APC: variants seen among roughly 807,000 people sequenced by gnomAD.
The protein encoded by APC is adenomatous polyposis coli protein.
APC carries 72 observed loss-of-function variants against 247.0 expected under a neutral mutation model. The observed-to-expected ratio is 0.29, with a 90% confidence interval of 0.24 to 0.35. APC has a LOEUF of 0.35. Among genes scored for constraint, APC ranks in the 10% least tolerant of loss-of-function variants. APC has a pLI of 1.00. For missense variants in APC, 3,400 were observed against 3,360.7 expected, an observed-to-expected ratio of 1.01 and a Z score of -0.29; for synonymous variants, 1,254 against 1,162.5, an observed-to-expected ratio of 1.08 and a Z score of -1.60.
intron 6 of APC, among the ~76,000 whole-genome samples, chr5:112,787,704 A>T (rs1759123450): frequency 6.6e-6 from 1 of 152,200 alleles, no homozygotes; most frequent in Non-Finnish European, 1.5e-5. Flanking sequence ...CTTTGTAGAT[A>T]ATATACATCT....
intron 4 of APC, among the ~76,000 whole-genome samples, chr5:112,775,077 G>A (rs1379124273): frequency 6.6e-6 from 1 of 152,120 alleles, no homozygotes; most frequent in African/African-American, 2.4e-5. Flanking sequence ...TTGCTATGGA[G>A]AACACCATCA....
At chr5:112,800,881 T>C (rs1760743412) in intron 7 of APC, among the ~76,000 whole-genome samples, 2 of 152,080 alleles carry the variant, frequency 1.3e-5, no homozygotes, top group African/African-American at 4.8e-5. Flanking sequence ...TAGAAGATAT[T>C]TGTAAGCTTA....
rs1766943223 is a variant in APC at position 112,845,865 on chromosome 5, CTG to C, written c.*1741_*1742del. ...TTTTTAGTGATAAGATTCATACACT[CTG>C]TATTTGGGGAGGGAAAACCTTTTTA... is the stretch of plus-strand genomic sequence containing the variant. On this transcript the variant is annotated 3_prime_UTR_variant, in exon 16 of 16. Coordinates refer to ENST00000257430, the MANE Select transcript of APC (RefSeq NM_000038.6). 5 of 232,288 alleles carry C rather than the reference CTG, an allele frequency of 2.2e-5. No homozygotes were observed. The East Asian group carries it at 3.0e-4, about 14-fold the overall frequency. 14.4% of individuals were successfully genotyped at this position (232,288 alleles called of 1,614,324 possible).
intron 1 of APC, among the ~76,000 whole-genome samples, chr5:112,721,769 C>G (rs1455581177): frequency 6.6e-6 from 1 of 152,176 alleles, no homozygotes; most frequent in Non-Finnish European, 1.5e-5. Context: ...TTGCCTCCCT[C>G]TACACCAGGC....
chr5:112,759,463 A>G (rs1755407363), intron 2 of APC, among the ~76,000 whole-genome samples: 1 of 150,392 alleles, frequency 6.6e-6, no homozygotes, highest in Admixed American at 6.6e-5. Context: ...GTTCAAGCTA[A>G]TCTCCTGCCT....
chr5:112,781,763 A>ATTT (rs571711088), intron 6 of APC, among the ~76,000 whole-genome samples: 1 of 143,386 alleles, frequency 7.0e-6, no homozygotes, highest in Non-Finnish European at 1.5e-5. Flanking sequence ...AAACATAATG[A>ATTT]TTTTTTTTTT....
intron 5 of APC, chr5:112,777,985 C>T (rs367753665): frequency 1.9e-4 from 36 of 187,014 alleles, no homozygotes; most frequent in African/African-American, 6.8e-4. Context: ...AACCCTGAAC[C>T]ATCTAAATTT....
At chr5:112,745,602 C>T (rs1191943521) in intron 1 of APC, among the ~76,000 whole-genome samples, 3 of 151,716 alleles carry the variant, frequency 2.0e-5, no homozygotes, top group East Asian at 1.9e-4. Context: ...CTCACTCTGT[C>T]GCCGAGGCTG....
At chr5:112,762,401 T>G (rs551568932) in intron 2 of APC, among the ~76,000 whole-genome samples, 49 of 152,206 alleles carry the variant, frequency 3.2e-4, no homozygotes, top group Non-Finnish European at 5.9e-4. Flanking sequence ...CATAGTGACA[T>G]TCTAAATAAT....
At chr5:112,766,641 C>T (rs562440475) in intron 3 of APC, among the ~76,000 whole-genome samples, 3 of 152,102 alleles carry the variant, frequency 2.0e-5, no homozygotes, top group Non-Finnish European at 2.9e-5. Context: ...ATTTTAAATC[C>T]CTCCCTTAAA....
Position 112,840,182 on chromosome 5 carries a change from G to GA in APC, c.4592dup (p.Asn1531LysfsTer2), listed in dbSNP as rs1765716533. 1 of 1,614,048 alleles carries GA rather than the reference G, an allele frequency of 6.2e-7. No individual in the cohort carries two copies. Among genetic ancestry groups the GA allele is most frequent in the Non-Finnish European group, 8.5e-7 (1 of 1,180,002 alleles). On this transcript the variant is annotated frameshift_variant, in exon 16 of 16. Coordinates refer to ENST00000257430, the MANE Select transcript of APC (RefSeq NM_000038.6). LOFTEE classifies it high-confidence loss of function. The surrounding 1 kb of genome is among the most constrained non-coding windows in gnomAD (Gnocchi z 4.1). ...ATTAAGAATAATGCCTCCAGTTCAG[G>GA]AAAATGACAATGGGAATGAAACAGA...
upstream of APC, among the ~76,000 whole-genome samples, chr5:112,735,666 A>G (rs1291427786): frequency 6.6e-6 from 1 of 152,076 alleles, no homozygotes; most frequent in Non-Finnish European, 1.5e-5. Flanking sequence ...ATATATCTAT[A>G]TTTAATTATA....
intron 1 of APC, chr5:112,738,197 G>A (rs1752551963): frequency 1.2e-6 from 1 of 844,696 alleles, no homozygotes; most frequent in Non-Finnish European, 1.4e-6. Flanking sequence ...TGTTTTTGAA[G>A]CCAGAAGGGG....
chr5:112,845,499 G>A lies in APC; in HGVS notation c.*1373G>A, dbSNP rs1047231318. 4.3e-6 allele frequency: 1 copy of A among 233,208 alleles called. No homozygotes were observed. The highest frequency in any genetic ancestry group is 8.5e-6 in the Non-Finnish European group (1 of 117,806). 14.4% of individuals were successfully genotyped at this position (233,208 alleles called of 1,614,324 possible). On this transcript the variant is annotated 3_prime_UTR_variant, in exon 16 of 16. Transcript: ENST00000257430. ...CACTTTTTATCACCCTGTATGTTAG[G>A]GCAAGATCTCAGCAGTGAAGTATAA... is the stretch of plus-strand genomic sequence containing the variant.
At chr5:112,790,519 C>T (rs1307813215) in intron 6 of APC, among the ~76,000 whole-genome samples, 2 of 151,940 alleles carry the variant, frequency 1.3e-5, no homozygotes, top group Non-Finnish European at 2.9e-5. Flanking sequence ...TTAGTAGAGA[C>T]GGGGTTTCAC....
intron 1 of APC, among the ~76,000 whole-genome samples, chr5:112,730,186 T>C (rs535652153): frequency 3.9e-5 from 6 of 152,218 alleles, no homozygotes; most frequent in Non-Finnish European, 8.8e-5. Context: ...AGTTTTCTTA[T>C]TTTTACCTAT....
chr5:112,801,588 T>C lies in APC; in HGVS notation c.834+205T>C, dbSNP rs905880108. On this transcript the variant is annotated intron_variant, in intron 8 of 15. Coordinates refer to ENST00000257430, the MANE Select transcript of APC (RefSeq NM_000038.6). ...TGTAAGGATTTTCTAGATCTATTTC[T>C]ATAGCTATAGATTGTGTGTTTATGT... Among the ~76,000 whole-genome samples the C allele has an allele frequency of 2.0e-5, 3 of 152,290 alleles. No individual in the cohort carries two copies. In the East Asian group the frequency reaches 5.8e-4, roughly 29 times the overall value.
intron 8 of APC, among the ~76,000 whole-genome samples, chr5:112,815,186 A>C (rs183480782): frequency 6.6e-6 from 1 of 152,348 alleles, no homozygotes; most frequent in Admixed American, 6.5e-5. Context: ...CAATGAACTT[A>C]TCTGAATGTG....
Position 112,841,946 on chromosome 5 carries a change from G to T in APC, c.6352G>T (p.Ala2118Ser), listed in dbSNP as rs2149962947. The T allele has an allele frequency of 6.2e-7, 1 of 1,613,228 alleles. No individual in the cohort carries two copies. The highest frequency in any genetic ancestry group is 8.5e-7 in the Non-Finnish European group (1 of 1,179,334). Residue 2118 changes from alanine to serine, a missense_variant, in exon 16 of 16, where the codon GCT becomes TCT. By Grantham distance (99) the Ala-to-Ser change is moderately conservative. Transcript: ENST00000257430. The surrounding 1 kb of genome is among the most constrained non-coding windows in gnomAD (Gnocchi z 4.6). ...ANSIVSSLHQAAAAACLSRQA... is the reference protein window; with the variant it reads ...ANSIVSSLHQSAAAACLSRQA... ...TTCCATAGTAAGTAGTTTACATCAA[G>T]CTGCTGCTGCTGCATGTTTATCTAG...
Sources: gnomAD v4.1 joint callset for allele counts (sites outside exome capture counted in the v4.1 genomes callset) on GRCh38, gnomAD v4.1.1 for gene constraint, Gnocchi (gnomAD v3.1) non-coding constraint, MANE v1.5 for transcripts, NCBI Gene and HGNC (gene_info 2026-07-23, HGNC 2026-07-21) for gene names.